Variants in MYLK4 observed in about 807,000 individuals in gnomAD.
MYLK4 encodes caMLCK like.
MYLK4 carries 46 observed loss-of-function variants against 48.1 expected under a neutral mutation model. The observed-to-expected ratio is 0.96, with a 90% CI of 0.75 to 1.22. The LOEUF (loss-of-function observed/expected upper bound fraction) is 1.22, where lower values mean the gene tolerates loss of function less well. Ranked by LOEUF, MYLK4 falls within the 50% of genes most tolerant of loss-of-function variation. The pLI, the probability that MYLK4 is intolerant of heterozygous loss-of-function variation, is 0.00. For synonymous variants in MYLK4, 170 were observed against 180.8 expected (o/e 0.94, Z 0.48); for missense variants, 451 against 486.1 (o/e 0.93, Z 0.68).
chr6:2,766,404 T>G, the MYLK4 span: 2 of 1,604,380 alleles, frequency 1.2e-6, no homozygotes, highest in African/African-American at 1.3e-5. Context: ...ACCAACGAAA[T>G]CCCCTCGCTT....
intron 2 of MYLK4, among the ~76,000 whole-genome samples, chr6:2,742,611 C>T (rs58073672): frequency 2.0e-5 from 3 of 150,160 alleles, no homozygotes; most frequent in African/African-American, 7.4e-5. Context: ...AGTAAACTAT[C>T]GCAAGGACAA....
intron 2 of MYLK4, among the ~76,000 whole-genome samples, chr6:2,698,909 G>A (rs1034410503): frequency 3.3e-5 from 5 of 152,216 alleles, no homozygotes; most frequent in Non-Finnish European, 5.9e-5. Context: ...CATGGCTCAA[G>A]GCAGGACAGA....
intron 2 of MYLK4, among the ~76,000 whole-genome samples, chr6:2,710,535 C>T (rs1236198536): frequency 2.0e-5 from 3 of 152,180 alleles, no homozygotes; most frequent in Non-Finnish European, 4.4e-5. Flanking sequence ...CAACTACCTC[C>T]TTTCTGTTGA....
At position 2,667,625 on chromosome 6, in the gene MYLK4, A is replaced by C. The variant is rs1760708548; in HGVS notation, c.*300T>G. The stretch of plus-strand genomic sequence containing the variant: ...CCCCCTGCCCCAGTGACTAAGATCA[A>C]AAAATTTTTTTAAAAAAGTAAAAAA... On this transcript the variant is annotated 3_prime_UTR_variant, in exon 13 of 13. Transcript: ENST00000274643. 6.6e-6 allele frequency: 1 copy of C among 152,668 alleles called. No individual in the cohort carries two copies. Among genetic ancestry groups the C allele is most frequent in the African/African-American group, 2.4e-5 (1 of 41,438 alleles). 9.5% of individuals were successfully genotyped at this position (152,668 alleles called of 1,614,324 possible).
upstream of MYLK4, among the ~76,000 whole-genome samples, chr6:2,753,433 C>CCACTGTA (rs1361056817): frequency 1.3e-5 from 2 of 152,180 alleles, no homozygotes; most frequent in African/African-American, 4.8e-5. Flanking sequence ...CTACTGCATC[C>CCACTGTA]CTGTTACCCA....
intron 2 of MYLK4, among the ~76,000 whole-genome samples, chr6:2,698,495 GC>G (rs1762152897): frequency 6.6e-6 from 1 of 152,210 alleles, no homozygotes; most frequent in South Asian, 2.1e-4. Flanking sequence ...AGCAGAGGAC[GC>G]TGGGTCATGT....
chr6:2,693,552 T>C (rs28576889), intron 2 of MYLK4, among the ~76,000 whole-genome samples: 35,027 of 152,124 alleles, frequency 0.23, 4,189 homozygotes, highest in African/African-American at 0.27. Context: ...ATGTACCCCA[T>C]ATAAAAGGGA....
chr6:2,770,305 C>T, the MYLK4 span: 11 of 1,614,102 alleles, frequency 6.8e-6, no homozygotes, highest in African/African-American at 1.3e-5. Context: ...GAATCCACGT[C>T]CTAGACTCTA....
chr6:2,735,085 A>C (rs538582088), intron 2 of MYLK4, among the ~76,000 whole-genome samples: 6 of 152,358 alleles, frequency 3.9e-5, no homozygotes, highest in African/African-American at 1.4e-4. Flanking sequence ...ACTCTTTCTT[A>C]GATGATTCAG....
chr6:2,689,723 C>T (rs1018600646), intron 3 of MYLK4, among the ~76,000 whole-genome samples: 10 of 152,218 alleles, frequency 6.6e-5, no homozygotes, highest in Non-Finnish European at 2.9e-5. Context: ...TTCGTTAATT[C>T]ATTTACTAAG....
chr6:2,767,712 G>A, the MYLK4 span, among the ~76,000 whole-genome samples: 1 of 152,224 alleles, frequency 6.6e-6, no homozygotes, highest in Admixed American at 6.5e-5. Context: ...AGCTGTTGGT[G>A]GCCCCAGACA....
At chr6:2,679,947 A>G (rs1263692001) in intron 8 of MYLK4, among the ~76,000 whole-genome samples, 1 of 152,210 alleles carries the variant, frequency 6.6e-6, no homozygotes. Flanking sequence ...GAAAGAGGGG[A>G]CAAACTCTTG....
the MYLK4 span, among the ~76,000 whole-genome samples, chr6:2,759,818 G>A: frequency 3.9e-5 from 6 of 152,224 alleles, no homozygotes; most frequent in East Asian, 9.6e-4. Flanking sequence ...TATTTTACTA[G>A]AGATTTTTAA....
chr6:2,759,975 G>A, the MYLK4 span, among the ~76,000 whole-genome samples: 1 of 152,038 alleles, frequency 6.6e-6, no homozygotes. Flanking sequence ...ACCAACAGTG[G>A]ATCAAAAATT....
chr6:2,670,303 T>C (rs571910555), intron 12 of MYLK4, among the ~76,000 whole-genome samples: 5 of 151,834 alleles, frequency 3.3e-5, no homozygotes, highest in African/African-American at 1.2e-4. Context: ...GAGGTGGGGG[T>C]TGCAGTGAGC....
chr6:2,752,560 T>C (rs1764322331), upstream of MYLK4, among the ~76,000 whole-genome samples: 3 of 152,154 alleles, frequency 2.0e-5, no homozygotes, highest in South Asian at 6.2e-4. Flanking sequence ...AGAGTGAACA[T>C]TAACTGAGAT....
At chr6:2,732,577 C>T (rs1360158204) in intron 2 of MYLK4, among the ~76,000 whole-genome samples, 1 of 152,066 alleles carries the variant, frequency 6.6e-6, no homozygotes, top group Non-Finnish European at 1.5e-5. Flanking sequence ...TGAGTGGATC[C>T]TGGGCTGACA....
At position 2,749,127 on chromosome 6, in the gene MYLK4, C is replaced by T. The variant is rs774610486; in HGVS notation, c.159+9G>A. ...TACTTTTTAGGAGACTAAATTAGAA[C>T]ATGATTACCTCATTATGTCCAGATC... On this transcript the variant is annotated intron_variant, in intron 2 of 12. Coordinates refer to ENST00000274643, the MANE Select transcript of MYLK4 (RefSeq NM_001012418.5). 2 of 1,610,840 alleles carry T rather than the reference C, an allele frequency of 1.2e-6. No individual in the cohort carries two copies. The highest frequency in any genetic ancestry group is 1.7e-6 in the Non-Finnish European group (2 of 1,178,790).
At chr6:2,769,024 A>G in the MYLK4 span, 6 of 732,480 alleles carry the variant, frequency 8.2e-6, no homozygotes, top group African/African-American at 7.3e-5. Flanking sequence ...CTTCAAGCCT[A>G]TTTCTCCATA....
Sources: gnomAD v4.1 joint callset for allele counts (sites outside exome capture counted in the v4.1 genomes callset) on GRCh38, gnomAD v4.1.1 for gene constraint, MANE v1.5 for transcripts, NCBI Gene and HGNC (gene_info 2026-07-23, HGNC 2026-07-21) for gene names.